Variants in DNM3 observed in about 807,000 individuals in gnomAD.
The protein encoded by DNM3 is dynamin 3.
Under a neutral mutation model 101.6 loss-of-function variants are expected in DNM3, and 47 were observed. The ratio of observed to expected loss-of-function variants is 0.46; its 90% CI spans 0.37 to 0.59. The LOEUF is 0.59. Among genes scored for constraint, DNM3 ranks in the 20% least tolerant of loss-of-function variants. The pLI, the probability that DNM3 is intolerant of heterozygous loss-of-function variation, is 0.00. For missense variants in DNM3, 849 were observed against 1,085.7 expected, an observed-to-expected ratio of 0.78 and a Z score of 3.06; for synonymous variants, 385 against 387.9, an observed-to-expected ratio of 0.99 and a Z score of 0.09.
chr1:172,072,399 G>T (rs1280168017), intron 11 of DNM3, among the ~76,000 whole-genome samples: 3 of 152,130 alleles, frequency 2.0e-5, no homozygotes, highest in Admixed American at 6.5e-5. Flanking sequence ...AGTAGATTTG[G>T]AGTGATCTTT....
At chr1:172,073,847 G>A (rs2052418423) in intron 11 of DNM3, among the ~76,000 whole-genome samples, 2 of 152,198 alleles carry the variant, frequency 1.3e-5, no homozygotes, top group South Asian at 4.1e-4. Flanking sequence ...AACGTAGAAA[G>A]AGGAAGTCAG....
chr1:172,055,696 C>A (rs888367503), intron 10 of DNM3, among the ~76,000 whole-genome samples: 2 of 152,136 alleles, frequency 1.3e-5, no homozygotes, highest in Non-Finnish European at 2.9e-5. Flanking sequence ...CTCATTGATT[C>A]AGCAGGTGAC....
intron 14 of DNM3, among the ~76,000 whole-genome samples, chr1:172,214,021 C>T (rs550695097): frequency 2.0e-3 from 297 of 152,210 alleles, no homozygotes; most frequent in African/African-American, 6.9e-3. Context: ...CTGTGGCCTT[C>T]CTTCATACTG....
chr1:172,014,891 T>C (rs2047351735), intron 4 of DNM3, among the ~76,000 whole-genome samples: 1 of 152,174 alleles, frequency 6.6e-6, no homozygotes, highest in Admixed American at 6.5e-5. Context: ...GTTTTTATCC[T>C]ATGTTAACTT....
At chr1:171,901,296 A>C (rs1464336901) in intron 1 of DNM3, among the ~76,000 whole-genome samples, 1 of 152,058 alleles carries the variant, frequency 6.6e-6, no homozygotes, top group Non-Finnish European at 1.5e-5. Flanking sequence ...TGATTTTTCC[A>C]TATAATCCCG....
chr1:172,337,583 A>T (rs185941044), intron 17 of DNM3, among the ~76,000 whole-genome samples: 2 of 152,326 alleles, frequency 1.3e-5, no homozygotes, highest in Admixed American at 1.3e-4. Flanking sequence ...GTAATTCCTG[A>T]ATTTATTTGA....
chr1:171,974,060 C>G (rs935635942), intron 2 of DNM3, among the ~76,000 whole-genome samples: 6 of 152,024 alleles, frequency 3.9e-5, no homozygotes, highest in African/African-American at 1.4e-4. Flanking sequence ...GTGAGGTTAA[C>G]AAGAAGAAAC....
chr1:172,278,341 T>C (rs981685296), intron 15 of DNM3, among the ~76,000 whole-genome samples: 1 of 151,274 alleles, frequency 6.6e-6, no homozygotes, highest in Non-Finnish European at 1.5e-5. Context: ...CCCAATCTTT[T>C]GGTTTCCCTG....
chr1:172,325,750 T>G (rs2065913417), intron 17 of DNM3, among the ~76,000 whole-genome samples: 1 of 152,178 alleles, frequency 6.6e-6, no homozygotes, highest in East Asian at 1.9e-4. Context: ...AATTGTTGCC[T>G]GCCATATACG....
intron 20 of DNM3, among the ~76,000 whole-genome samples, chr1:172,399,569 T>C (rs1035838784): frequency 5.3e-5 from 8 of 152,186 alleles, no homozygotes; most frequent in Non-Finnish European, 8.8e-5. Context: ...AAGCATTTAA[T>C]TGGACTTAGT....
intron 15 of DNM3, among the ~76,000 whole-genome samples, chr1:172,302,163 G>A (rs964694370): frequency 1.8e-4 from 28 of 152,324 alleles, no homozygotes; most frequent in Admixed American, 1.4e-3. Context: ...GGACATTCCC[G>A]ACTAAATACT....
chr1:171,978,143 C>T (rs574025256), intron 2 of DNM3, among the ~76,000 whole-genome samples: 20 of 152,154 alleles, frequency 1.3e-4, no homozygotes, highest in Admixed American at 9.8e-4. Flanking sequence ...AGGGGTAAGA[C>T]AGATAATGCT....
chr1:171,968,951 C>G (rs1313437271), intron 2 of DNM3, among the ~76,000 whole-genome samples: 1 of 152,142 alleles, frequency 6.6e-6, no homozygotes, highest in Non-Finnish European at 1.5e-5. Flanking sequence ...GTAGAGATGT[C>G]TCAGATTCTG....
chr1:171,949,350 T>C (rs748012209), intron 2 of DNM3, among the ~76,000 whole-genome samples: 5 of 152,068 alleles, frequency 3.3e-5, no homozygotes, highest in Non-Finnish European at 7.4e-5. Context: ...AATAAACACA[T>C]GAAAAGATAC....
intron 2 of DNM3, among the ~76,000 whole-genome samples, chr1:171,973,248 TG>T (rs1331205570): frequency 2.0e-5 from 3 of 152,142 alleles, no homozygotes; most frequent in African/African-American, 7.2e-5. Context: ...ACAGTTAATG[TG>T]GGGTGGCTAA....
chr1:172,280,215 C>T (rs2063439279), intron 15 of DNM3, among the ~76,000 whole-genome samples: 1 of 152,152 alleles, frequency 6.6e-6, no homozygotes, highest in Non-Finnish European at 1.5e-5. Flanking sequence ...ATGCCACCAC[C>T]TCATTTTCTG....
At chr1:172,150,776 G>T (rs1388914891) in intron 14 of DNM3, among the ~76,000 whole-genome samples, 2 of 152,164 alleles carry the variant, frequency 1.3e-5, no homozygotes, top group Non-Finnish European at 2.9e-5. Context: ...CTAAAACAGG[G>T]TTTTCTGAAA....
chr1:171,919,807 TG>T (rs1278707297), intron 1 of DNM3, among the ~76,000 whole-genome samples: 3 of 152,208 alleles, frequency 2.0e-5, no homozygotes, highest in African/African-American at 7.2e-5. Context: ...TGAACTCCAA[TG>T]TAGTTTATCT....
At chr1:172,327,050 A>G (rs962062558) in intron 17 of DNM3, among the ~76,000 whole-genome samples, 13 of 152,198 alleles carry the variant, frequency 8.5e-5, no homozygotes, top group African/African-American at 3.1e-4. Flanking sequence ...ACATGCTAAA[A>G]CAGAATTTTA....
Sources: allele counts gnomAD v4.1 joint callset (sites outside exome capture counted in the v4.1 genomes callset), GRCh38; gene constraint gnomAD v4.1.1; transcripts MANE v1.5; gene names NCBI Gene and HGNC (gene_info 2026-07-23, HGNC 2026-07-21).